The following NIPA1 variants were observed in gnomAD, a reference collection of about 807,000 sequenced individuals.
The protein encoded by NIPA1 is magnesium transporter NIPA1.
A neutral mutation model predicts 23.9 loss-of-function variants in NIPA1; 13 were observed. The observed-to-expected ratio is 0.54, with a 90% CI of 0.35 to 0.87. The LOEUF is 0.87. Among genes scored for constraint, NIPA1 ranks in the 40% least tolerant of loss-of-function variants. The pLI is 0.01. For synonymous variants in NIPA1, 234 were observed against 202.9 expected, an observed-to-expected ratio of 1.15 and a Z score of -1.30; for missense variants, 362 against 429.7, an observed-to-expected ratio of 0.84 and a Z score of 1.39.
rs1456958553 is a variant in NIPA1, at chr15:22,818,205, G to A, written c.318-2108G>A. 2.0e-5 allele frequency among the ~76,000 whole-genome samples: 3 copies of A among 152,104 alleles called. No homozygotes were observed. The East Asian group carries it at 5.8e-4, about 30-fold the overall frequency. On this transcript the variant is annotated intron_variant, in intron 3 of 4. Coordinates refer to ENST00000337435, the MANE Select transcript of NIPA1 (RefSeq NM_144599.5). ...TGTAATCCCAGCACTTTGGGAGGCC[G>A]AGGCGGGTGGATCATGAGATCAGGA...
At chr15:22,787,442 CCT>C (rs1894732811) in intron 1 of NIPA1, among the ~76,000 whole-genome samples, 1 of 152,220 alleles carries the variant, frequency 6.6e-6, no homozygotes, top group South Asian at 2.1e-4. Context: ...GCGCCTTAGA[CCT>C]GCACCAAATG....
chr15:22,824,390 C>T lies in NIPA1; in HGVS notation c.*151C>T. 1 of 759,974 alleles carries T rather than the reference C, an allele frequency of 1.3e-6. No individual in the cohort carries two copies. Among genetic ancestry groups the T allele is most frequent in the Non-Finnish European group, 2.3e-6 (1 of 442,308 alleles). The allele number at this position is 759,974 out of a possible 1,614,324, so 47.1% of individuals were successfully genotyped here. On this transcript the variant is annotated 3_prime_UTR_variant, in exon 5 of 5. Coordinates refer to ENST00000337435, the MANE Select transcript of NIPA1 (RefSeq NM_144599.5). The surrounding 1 kb of genome is among the most constrained non-coding windows in gnomAD (Gnocchi z 4.1). ...CTGGTGGATAGCGGGGAGCATGGCT[C>T]AGCACCAGAGCAGAGGCCCAGCCAG...
At chr15:22,789,013 G>T (rs1284006049) in intron 1 of NIPA1, among the ~76,000 whole-genome samples, 1 of 146,800 alleles carries the variant, frequency 6.8e-6, no homozygotes, top group African/African-American at 2.5e-5. Context: ...TTTTTTTTGA[G>T]ACGGAGTTTC....
chr15:22,796,786 A>T (rs542564805), intron 1 of NIPA1, among the ~76,000 whole-genome samples: 1 of 152,186 alleles, frequency 6.6e-6, no homozygotes. Flanking sequence ...CTGAGAGGCC[A>T]TGTCCCCGAC....
intron 3 of NIPA1, among the ~76,000 whole-genome samples, chr15:22,815,875 A>G (rs1895403884): frequency 6.6e-6 from 1 of 152,214 alleles, no homozygotes; most frequent in South Asian, 2.1e-4. Context: ...CACAAAAATT[A>G]TGTGGTACAA....
intron 1 of NIPA1, among the ~76,000 whole-genome samples, chr15:22,797,810 A>ATTTC (rs71117488): frequency 0.73 from 110,403 of 150,368 alleles, 41,986 homozygotes; most frequent in African/African-American, 0.93. Context: ...CTGGCCATAT[A>ATTTC]TTTCTAGTCA....
intron 3 of NIPA1, among the ~76,000 whole-genome samples, chr15:22,815,899 C>G (rs901615313): frequency 6.6e-6 from 1 of 152,124 alleles, no homozygotes; most frequent in African/African-American, 2.4e-5. Flanking sequence ...AATACTCTTT[C>G]ATGACGAAAA....
chr15:22,814,622 A>G (rs76364930), intron 3 of NIPA1, among the ~76,000 whole-genome samples: 2,745 of 152,344 alleles, frequency 0.018, 94 homozygotes, highest in African/African-American at 0.062. Flanking sequence ...AAGTCTGTGT[A>G]GCAGTGAATA....
At chr15:22,812,294 A>C in intron 3 of NIPA1, 41 bp downstream of exon 3, 4 of 1,350,070 alleles carry the variant, frequency 3.0e-6, no homozygotes, top group Non-Finnish European at 4.3e-6. Flanking sequence ...TGTGTAGTGT[A>C]GATATAACAA....
intron 1 of NIPA1, among the ~76,000 whole-genome samples, chr15:22,788,614 G>A (rs1165600774): frequency 6.6e-6 from 1 of 151,936 alleles, no homozygotes; most frequent in African/African-American, 2.4e-5. Flanking sequence ...CCAGATGTAA[G>A]ACATTAGGGA....
chr15:22,816,192 T>C (rs1895413154), intron 3 of NIPA1, among the ~76,000 whole-genome samples: 1 of 136,036 alleles, frequency 7.4e-6, no homozygotes, highest in African/African-American at 2.8e-5. Context: ...TTTTTTTTTT[T>C]TTTTTTTTTT....
intron 2 of NIPA1, 179 bp downstream of exon 2, chr15:22,810,975 C>A: frequency 1.6e-6 from 1 of 638,558 alleles, no homozygotes; most frequent in Non-Finnish European, 2.8e-6. Flanking sequence ...CCCCAGGGCA[C>A]TCTCCCTGCT....
chr15:22,799,773 C>T (rs1895030121), intron 1 of NIPA1, among the ~76,000 whole-genome samples: 1 of 145,008 alleles, frequency 6.9e-6, no homozygotes, highest in South Asian at 2.2e-4. Flanking sequence ...CAGAGCAAGA[C>T]TCTGTCTCAA....
rs543934469 is a variant in NIPA1, at chr15:22,799,664, C to G, written c.179-11085C>G. On this transcript the variant is annotated intron_variant, in intron 1 of 4. Transcript: ENST00000337435. ...AGGTGTGGCGGCAGGCGCCTGTAGT[C>G]CCAGCTACTCGGGAGGCTGAGTCAG... is the stretch of plus-strand genomic sequence containing the variant. Among the ~76,000 whole-genome samples, 8 of 151,780 alleles carry G rather than the reference C, an allele frequency of 5.3e-5. No individual in the cohort carries two copies. The South Asian group carries it at 1.7e-3, about 32-fold the overall frequency.
At position 22,805,664 on chromosome 15, in the gene NIPA1, C is replaced by T. The variant is rs1031031607; in HGVS notation, c.179-5085C>T. Among the ~76,000 whole-genome samples, 9 of 152,090 alleles carry T rather than the reference C, an allele frequency of 5.9e-5. No homozygotes were observed. The East Asian group carries it at 1.6e-3, about 26-fold the overall frequency. Reference sequence around the variant, plus strand: ...TCACACCAGTGCACTCCAGCCTGGGCAAGAGAGTGAGACTCTGTCTCAAAA... The same window carrying T: ...TCACACCAGTGCACTCCAGCCTGGGTAAGAGAGTGAGACTCTGTCTCAAAA... On this transcript the variant is annotated intron_variant, in intron 1 of 4. Transcript: ENST00000337435.
chr15:22,791,475 C>T (rs1186652827), intron 1 of NIPA1, among the ~76,000 whole-genome samples: 6 of 18,084 alleles, frequency 3.3e-4, no homozygotes, highest in Admixed American at 1.7e-3. Context: ...TCCTCTTTCA[C>T]TTTTTTTTTT....
At chr15:22,815,980 A>G (rs1020057678) in intron 3 of NIPA1, among the ~76,000 whole-genome samples, 4 of 152,072 alleles carry the variant, frequency 2.6e-5, no homozygotes, top group Non-Finnish European at 4.4e-5. Flanking sequence ...TACCCCAGCT[A>G]ACATCATACT....
intron 2 of NIPA1, 187 bp downstream of exon 2, chr15:22,810,983 G>A (rs1475070197): frequency 9.6e-6 from 6 of 626,606 alleles, no homozygotes; most frequent in Non-Finnish European, 1.1e-5. Flanking sequence ...CACTCTCCCT[G>A]CTCCCCTTCC....
chr15:22,801,507 CTTTTTTTT>C lies in NIPA1; in HGVS notation c.179-9225_179-9218del, dbSNP rs35360583. ...TAGGGGCAGACAACACTTCTAGCGA[CTTTTTTTT>C]TTTTTTTTTTTTTTTTGAGAGACAG... On this transcript the variant is annotated intron_variant, in intron 1 of 4. Transcript: ENST00000337435. 1.4e-4 allele frequency among the ~76,000 whole-genome samples: 11 copies of C among 78,944 alleles called. No individual in the cohort carries two copies. In the Admixed American group the frequency reaches 1.5e-3, roughly 11 times the overall value. The allele number at this position is 78,944 out of a possible 152,430, so 51.8% of individuals were successfully genotyped here.
Sources: gnomAD v4.1 joint callset for allele counts (sites outside exome capture counted in the v4.1 genomes callset) on GRCh38, gnomAD v4.1.1 for gene constraint, Gnocchi (gnomAD v3.1) non-coding constraint, MANE v1.5 for transcripts, NCBI Gene and HGNC (gene_info 2026-07-23, HGNC 2026-07-21) for gene names.